ABCA13: variants seen among roughly 807,000 people sequenced by gnomAD.
ABCA13 encodes ATP-binding cassette sub-family A member 13.
Under a neutral mutation model 478.7 loss-of-function variants are expected in ABCA13, and 476 were observed. That is an observed-to-expected ratio of 0.99 (90% CI 0.92 to 1.07). ABCA13 has a LOEUF of 1.07. Among genes scored for constraint, ABCA13 ranks in the 50% least tolerant of loss-of-function variants. The probability of loss-of-function intolerance (pLI) is 0.00; values close to 1 mark genes in which losing one functional copy is unlikely to be tolerated. For synonymous variants in ABCA13, 2,252 were observed against 2,158.9 expected, an observed-to-expected ratio of 1.04 and a Z score of -1.20; for missense variants, 6,060 against 5,910.6, an observed-to-expected ratio of 1.03 and a Z score of -0.83.
intron 15 of ABCA13, among the ~76,000 whole-genome samples, chr7:48,256,007 T>C (rs1030497395): frequency 2.6e-5 from 4 of 152,182 alleles, no homozygotes; most frequent in Admixed American, 6.6e-5. Context: ...CCATTCTGAC[T>C]GCAGTGAGAT....
chr7:48,184,527 C>T (rs147469198), intron 1 of ABCA13, among the ~76,000 whole-genome samples: 30,962 of 151,992 alleles, frequency 0.2, 3,421 homozygotes, highest in Middle Eastern at 0.25. Flanking sequence ...AAAAAAGTTT[C>T]GTTTACTTTT....
chr7:48,248,144 C>A (rs1791985928), intron 13 of ABCA13, 95 bp from the exon 14 acceptor site: 11 of 981,504 alleles, frequency 1.1e-5, no homozygotes. Flanking sequence ...TTGAGTGGAC[C>A]CCTTGTTTAG....
chr7:48,555,089 A>G (rs1785676534), intron 55 of ABCA13, among the ~76,000 whole-genome samples: 1 of 151,836 alleles, frequency 6.6e-6, no homozygotes, highest in Non-Finnish European at 1.5e-5. Flanking sequence ...AATTGAAATG[A>G]TTATATGGTG....
chr7:48,541,323 A>G (rs1833928919), intron 55 of ABCA13, among the ~76,000 whole-genome samples: 1 of 152,086 alleles, frequency 6.6e-6, no homozygotes, highest in South Asian at 2.1e-4. Flanking sequence ...TTATTGATGG[A>G]CACCATCAAA....
At chr7:48,374,748 C>T (rs995686288) in intron 34 of ABCA13, among the ~76,000 whole-genome samples, 2 of 152,144 alleles carry the variant, frequency 1.3e-5, no homozygotes, top group African/African-American at 4.8e-5. Context: ...CAAATGTGTC[C>T]ATCTGTTAGA....
chr7:48,499,103 A>G (rs1190107019), intron 48 of ABCA13, among the ~76,000 whole-genome samples: 1 of 152,138 alleles, frequency 6.6e-6, no homozygotes, highest in Non-Finnish European at 1.5e-5. Flanking sequence ...AAAAATGTAA[A>G]ACCCTTCTAC....
At chr7:48,477,797 G>T (rs1292166252) in intron 45 of ABCA13, among the ~76,000 whole-genome samples, 1 of 150,874 alleles carries the variant, frequency 6.6e-6, no homozygotes, top group Admixed American at 6.6e-5. Context: ...GCTAAATGAC[G>T]AGTTAATGGG....
intron 48 of ABCA13, among the ~76,000 whole-genome samples, chr7:48,501,122 G>A (rs1261628733): frequency 6.6e-6 from 1 of 152,102 alleles, no homozygotes; most frequent in Non-Finnish European, 1.5e-5. Flanking sequence ...GGCCTGACAG[G>A]GGCAGGCTGT....
In ABCA13 at chr7:48,506,427, A is replaced by C. The variant is rs765942050; in HGVS notation, c.13346+37A>C. 5 of 1,604,398 alleles carry C rather than the reference A, an allele frequency of 3.1e-6. No homozygotes were observed. The South Asian group carries it at 5.5e-5, about 18-fold the overall frequency. ...GAATGCTGAGGGGTGTGTGACCCTG[A>C]CTATGGAAGAAAATCTTTGTGTTAC... On this transcript the variant is annotated intron_variant, in intron 49 of 61. Coordinates refer to ENST00000435803, the MANE Select transcript of ABCA13 (RefSeq NM_152701.5).
At chr7:48,321,767 C>T (rs1023703782) in intron 27 of ABCA13, among the ~76,000 whole-genome samples, 5 of 152,096 alleles carry the variant, frequency 3.3e-5, no homozygotes, top group Admixed American at 6.5e-5. Flanking sequence ...AAGCAGGAGC[C>T]GAGGTGAGAA....
intron 12 of ABCA13, 61 bp downstream of exon 12, chr7:48,245,673 C>A: frequency 6.5e-7 from 1 of 1,542,996 alleles, no homozygotes; most frequent in Non-Finnish European, 8.8e-7. Context: ...GAAGCTCATG[C>A]AATATTCAGT....
intron 55 of ABCA13, among the ~76,000 whole-genome samples, chr7:48,537,452 T>C (rs554436613): frequency 2.6e-5 from 4 of 152,250 alleles, no homozygotes; most frequent in African/African-American, 7.2e-5. Context: ...TTTACTTCTA[T>C]AGAAGGATGC....
Position 48,279,471 on chromosome 7 carries a change from T to A in ABCA13, c.8277T>A (p.Asn2759Lys). The A allele has an allele frequency of 1.9e-6, 3 of 1,611,504 alleles. No individual in the cohort carries two copies. Among genetic ancestry groups the A allele is most frequent in the Non-Finnish European group, 1.7e-6 (2 of 1,178,402 alleles). ...NLKKDNWNVS[N>K]VLMTFTQHPN... ...AGAAAGATAATTGGAATGTTTCTAA[T>A]GTGTTGATGACATTTACTCAGCATC... Residue 2759 changes from asparagine (N) to lysine (K), a missense_variant, in exon 18 of 62, where the codon AAT (asparagine) becomes AAA (lysine). Transcript: ENST00000435803.
chr7:48,594,719 A>G lies in ABCA13; in HGVS notation c.14650A>G (p.Ser4884Gly), dbSNP rs376804258. 1.9e-6 allele frequency: 3 copies of G among 1,613,892 alleles called. No homozygotes were observed. The highest frequency in any genetic ancestry group is 2.2e-5 in the East Asian group (1 of 44,872). ...GTTGCCTTTCCTTCAGGATGAGCCCAGCTCTGGGATGGATCCCTGCTCTAA... is the reference window on the plus strand; with the variant it reads ...GTTGCCTTTCCTTCAGGATGAGCCCGGCTCTGGGATGGATCCCTGCTCTAA... ...KPDILLLDEP[S>G]SGMDPCSKRY... is the part of the protein sequence containing the mutation. Residue 4884 changes from serine to glycine, a missense_variant, in exon 58 of 62, where the codon AGC (serine) becomes GGC (glycine). Ser to Gly is a moderately conservative substitution (Grantham distance 56, BLOSUM62 0). This residue lies in a region of ABCA13 where 1,627 missense variants were observed against 1,571.0 expected (regional missense o/e 1.04). Coordinates refer to ENST00000435803, the MANE Select transcript of ABCA13 (RefSeq NM_152701.5).
At position 48,274,042 on chromosome 7, in the gene ABCA13, T is replaced by A. The variant is rs369213353; in HGVS notation, c.4376T>A (p.Val1459Asp). The change falls in exon 17 of 62, where the codon GTC (valine) becomes GAC (aspartate). Residue 1459 changes from valine to aspartate, a missense_variant. Val to Asp is a radical substitution (Grantham distance 152). Transcript: ENST00000435803. ...TCAAATGGCTCACATATAAATTGTG[T>A]CAATATTTACTTGAAAGATGTAACT... ...CSSNGSHINCVNIYLKDVTDF... is the reference protein window; with the variant it reads ...CSSNGSHINCDNIYLKDVTDF... 3 of 1,606,494 alleles carry A rather than the reference T, an allele frequency of 1.9e-6. No homozygotes were observed. The African/African-American group carries it at 4.0e-5, about 22-fold the overall frequency.
chr7:48,626,454 A>G (rs1793677929), intron 59 of ABCA13: 2 of 229,322 alleles, frequency 8.7e-6, no homozygotes, highest in Non-Finnish European at 1.4e-5. Context: ...ATCATGCGGC[A>G]TAAACTTGAA....
intron 55 of ABCA13, among the ~76,000 whole-genome samples, chr7:48,538,769 C>T (rs912956861): frequency 1.2e-4 from 19 of 152,098 alleles, no homozygotes; most frequent in African/African-American, 4.1e-4. Flanking sequence ...GAATTCATTA[C>T]GCAAGAGTCT....
At chr7:48,604,585 G>T (rs1158923607) in intron 58 of ABCA13, among the ~76,000 whole-genome samples, 9 of 152,162 alleles carry the variant, frequency 5.9e-5, no homozygotes, top group African/African-American at 2.2e-4. Flanking sequence ...ATTGCACTGT[G>T]GTCTGAGAGA....
At chr7:48,435,760 A>T (rs778341412) in intron 42 of ABCA13, among the ~76,000 whole-genome samples, 60 of 151,736 alleles carry the variant, frequency 4.0e-4, no homozygotes, top group Non-Finnish European at 7.1e-4. Context: ...TTTATGTGTC[A>T]ATTGAAATGA....
Sources: gnomAD v4.1 joint callset for allele counts (sites outside exome capture counted in the v4.1 genomes callset) on GRCh38, gnomAD v4.1.1 for gene constraint, gnomAD v4.1.1 regional missense constraint, MANE v1.5 for transcripts, NCBI Gene and HGNC (gene_info 2026-07-23, HGNC 2026-07-21) for gene names.